The following LRMDA variants were observed in gnomAD, a reference collection of about 807,000 sequenced individuals.
The protein encoded by LRMDA is leucine-rich melanocyte differentiation-associated protein.
Under a neutral mutation model 29.8 loss-of-function variants are expected in LRMDA, and 18 were observed. The observed-to-expected ratio is 0.60, with a 90% CI of 0.42 to 0.90. LRMDA has a LOEUF of 0.90. Among genes scored for constraint, LRMDA ranks in the 40% least tolerant of loss-of-function variants. The pLI is 0.00. For missense variants in LRMDA, 273 were observed against 273.9 expected (o/e 1.00, Z 0.02); for synonymous variants, 125 against 109.4 (o/e 1.14, Z -0.89).
At chr10:76,001,061 G>T (rs954488381) in intron 2 of LRMDA, among the ~76,000 whole-genome samples, 7 of 152,246 alleles carry the variant, frequency 4.6e-5, no homozygotes, top group Non-Finnish European at 1.0e-4. Context: ...ATAAAACCCA[G>T]GTTTCTTGAT....
At chr10:75,929,186 A>G (rs564785025) in intron 2 of LRMDA, among the ~76,000 whole-genome samples, 11 of 152,132 alleles carry the variant, frequency 7.2e-5, no homozygotes, top group Non-Finnish European at 1.6e-4. Context: ...GTAGGGTGTG[A>G]CCAGGGAAGA....
At chr10:75,903,542 G>T (rs929726773) in intron 2 of LRMDA, among the ~76,000 whole-genome samples, 1 of 152,164 alleles carries the variant, frequency 6.6e-6, no homozygotes, top group Non-Finnish European at 1.5e-5. Flanking sequence ...GCCATTCCCC[G>T]CATTTGCATA....
chr10:75,564,362 G>A (rs988704885), intron 2 of LRMDA, among the ~76,000 whole-genome samples: 7 of 152,210 alleles, frequency 4.6e-5, no homozygotes, highest in African/African-American at 1.7e-4. Context: ...ATCTCCTGGT[G>A]TGCCGTTTTT....
At chr10:75,483,795 A>C (rs752976948) in intron 2 of LRMDA, among the ~76,000 whole-genome samples, 1 of 138,404 alleles carries the variant, frequency 7.2e-6, no homozygotes, top group Non-Finnish European at 1.6e-5. Flanking sequence ...GAAAAAAATC[A>C]TTTTGCTTCT....
At chr10:75,654,548 C>T (rs1488208184) in intron 2 of LRMDA, among the ~76,000 whole-genome samples, 2 of 152,182 alleles carry the variant, frequency 1.3e-5, no homozygotes, top group Non-Finnish European at 2.9e-5. Context: ...CATTGTTTGG[C>T]TCTTGTCCTC....
intron 2 of LRMDA, among the ~76,000 whole-genome samples, chr10:75,999,591 G>A (rs546914940): frequency 5.9e-5 from 9 of 152,326 alleles, no homozygotes; most frequent in African/African-American, 2.2e-4. Context: ...CAATCTAGGA[G>A]TTTCTTCTGT....
intron 6 of LRMDA, among the ~76,000 whole-genome samples, chr10:76,410,425 C>G (rs539579348): frequency 6.8e-6 from 1 of 146,864 alleles, no homozygotes; most frequent in Non-Finnish European, 1.5e-5. Context: ...CCTCCCATCT[C>G]AGCATCCTAA....
intron 5 of LRMDA, among the ~76,000 whole-genome samples, chr10:76,123,433 T>C (rs1193406120): frequency 1.3e-5 from 2 of 151,834 alleles, no homozygotes; most frequent in Non-Finnish European, 2.9e-5. Flanking sequence ...CACCTGAGCC[T>C]GGGAGGTCGA....
At chr10:76,550,288 A>T (rs1843477891) in intron 6 of LRMDA, among the ~76,000 whole-genome samples, 1 of 152,216 alleles carries the variant, frequency 6.6e-6, no homozygotes, top group Non-Finnish European at 1.5e-5. Context: ...TATAAACCTG[A>T]AGTCAAAGCA....
intron 2 of LRMDA, among the ~76,000 whole-genome samples, chr10:75,734,085 A>C (rs562721328): frequency 6.6e-6 from 1 of 152,326 alleles, no homozygotes; most frequent in Non-Finnish European, 1.5e-5. Context: ...GAGGAGCCCA[A>C]GATGGATAGG....
intron 5 of LRMDA, among the ~76,000 whole-genome samples, chr10:76,236,589 C>T (rs1282652930): frequency 6.6e-6 from 1 of 152,172 alleles, no homozygotes; most frequent in Non-Finnish European, 1.5e-5. Context: ...CTTTAAAAAC[C>T]CTAGCCCCAA....
At chr10:75,649,300 G>A (rs1303864830) in intron 2 of LRMDA, among the ~76,000 whole-genome samples, 1 of 152,124 alleles carries the variant, frequency 6.6e-6, no homozygotes, top group Non-Finnish European at 1.5e-5. Context: ...CATTTTTAAG[G>A]CTGAATAATA....
chr10:76,003,645 G>C (rs562188561), intron 2 of LRMDA, among the ~76,000 whole-genome samples: 1 of 152,180 alleles, frequency 6.6e-6, no homozygotes, highest in Non-Finnish European at 1.5e-5. Flanking sequence ...GTCAGGAGAG[G>C]CAGCATTAGG....
intron 5 of LRMDA, among the ~76,000 whole-genome samples, chr10:76,310,444 T>C (rs1449900050): frequency 1.4e-5 from 2 of 144,562 alleles, no homozygotes; most frequent in Non-Finnish European, 3.0e-5. Context: ...TCAGGGCCTT[T>C]ACATGACTCT....
intron 2 of LRMDA, among the ~76,000 whole-genome samples, chr10:75,890,310 C>T (rs1332797350): frequency 6.6e-6 from 1 of 152,124 alleles, no homozygotes; most frequent in Non-Finnish European, 1.5e-5. Context: ...TTTGAATTCT[C>T]TCTCTATATA....
At chr10:76,007,709 G>A (rs1419734680) in intron 2 of LRMDA, among the ~76,000 whole-genome samples, 1 of 152,110 alleles carries the variant, frequency 6.6e-6, no homozygotes, top group Non-Finnish European at 1.5e-5. Context: ...CACTTTTCAC[G>A]GCCCTTGTGC....
intron 6 of LRMDA, among the ~76,000 whole-genome samples, chr10:76,352,306 C>T (rs550533077): frequency 2.3e-4 from 35 of 152,132 alleles, no homozygotes; most frequent in East Asian, 2.1e-3. Flanking sequence ...TAAGAGATAA[C>T]GATAACTGAT....
intron 5 of LRMDA, among the ~76,000 whole-genome samples, chr10:76,091,477 T>C (rs1280261312): frequency 4.6e-5 from 7 of 152,176 alleles, no homozygotes; most frequent in Non-Finnish European, 1.5e-5. Flanking sequence ...AATTGAAGGA[T>C]CAGAAAGTAA....
intron 6 of LRMDA, among the ~76,000 whole-genome samples, chr10:76,538,441 G>T (rs1843313631): frequency 7.0e-6 from 1 of 143,630 alleles, no homozygotes; most frequent in South Asian, 2.1e-4. Flanking sequence ...TTACTTAACA[G>T]GATATCTTGC....
Sources: allele counts gnomAD v4.1 joint callset (sites outside exome capture counted in the v4.1 genomes callset), GRCh38; gene constraint gnomAD v4.1.1; transcripts MANE v1.5; gene names NCBI Gene and HGNC (gene_info 2026-07-23, HGNC 2026-07-21).